The following NCAPG variants were observed in gnomAD, a reference collection of about 807,000 sequenced individuals.
NCAPG encodes condensin complex subunit 3.
NCAPG carries 69 observed loss-of-function variants against 113.1 expected under a neutral mutation model. That is an observed-to-expected ratio of 0.61 (90% CI 0.50 to 0.75). NCAPG has a LOEUF of 0.75. Ranked by LOEUF, NCAPG falls within the 30% of genes least tolerant of loss-of-function variation. The probability of loss-of-function intolerance (pLI) is 0.00; values close to 1 mark genes in which losing one functional copy is unlikely to be tolerated. For synonymous variants in NCAPG, 370 were observed against 415.8 expected, an observed-to-expected ratio of 0.89 and a Z score of 1.34; for missense variants, 1,058 against 1,177.0, an observed-to-expected ratio of 0.90 and a Z score of 1.48.
At chr4:17,836,555 T>C (rs1363808346) in intron 14 of NCAPG, among the ~76,000 whole-genome samples, 3 of 152,212 alleles carry the variant, frequency 2.0e-5, no homozygotes. Flanking sequence ...CTGAGAGTTT[T>C]CTGGCTTTAG....
At chr4:17,837,911 C>T in intron 16 of NCAPG, 110 bp downstream of exon 16, 1 of 1,108,092 alleles carries the variant, frequency 9.0e-7, no homozygotes. Context: ...ACTTCTGTCT[C>T]AAGCATATAC....
Position 17,842,391 on chromosome 4 carries a change from A to G in NCAPG, c.2924+12A>G. On this transcript the variant is annotated intron_variant, in intron 20 of 20. Coordinates refer to ENST00000251496, the MANE Select transcript of NCAPG (RefSeq NM_022346.5). Reference sequence around the variant, plus strand: ...GCCGACTCTGAAAGGTATGTCATGCATGTCTAGAATATATGGAGGCCTATC... The same window carrying G: ...GCCGACTCTGAAAGGTATGTCATGCGTGTCTAGAATATATGGAGGCCTATC... 2 of 1,608,390 alleles carry G rather than the reference A, an allele frequency of 1.2e-6. No individual in the cohort carries two copies. The highest frequency in any genetic ancestry group is 1.7e-6 in the Non-Finnish European group (2 of 1,175,274).
intron 11 of NCAPG, among the ~76,000 whole-genome samples, chr4:17,825,764 A>G (rs185333527): frequency 8.7e-4 from 133 of 152,220 alleles, no homozygotes; most frequent in African/African-American, 3.1e-3. Flanking sequence ...TATTGGAGGT[A>G]GGACTTTATT....
intron 20 of NCAPG, 109 bp downstream of exon 20, chr4:17,842,488 G>A (rs186302981): frequency 5.8e-4 from 489 of 846,498 alleles, no homozygotes; most frequent in Non-Finnish European, 8.3e-4. Context: ...TAACAAGATA[G>A]TGAAAACTAT....
Position 17,834,396 on chromosome 4 carries a change from A to T in NCAPG, c.1982A>T (p.Lys661Ile). ...TFGIEPFKTK[K>I]IKTLHCEGTE... ...GGGATTGAACCATTTAAAACTAAAA[A>T]AATCAAAACACTTCATTGTGAAGGT... The change falls in exon 14 of 21, where the codon AAA becomes ATA. Residue 661 changes from lysine (K) to isoleucine (I), a missense_variant. By Grantham distance (102) the Lys-to-Ile change is moderately radical. Coordinates refer to ENST00000251496, the MANE Select transcript of NCAPG (RefSeq NM_022346.5). 4 of 1,611,614 alleles carry T rather than the reference A, an allele frequency of 2.5e-6. No homozygotes were observed. Among genetic ancestry groups the T allele is most frequent in the Non-Finnish European group, 3.4e-6 (4 of 1,178,684 alleles).
At chr4:17,816,236 A>T (rs561957944) in intron 5 of NCAPG, among the ~76,000 whole-genome samples, 2 of 152,238 alleles carry the variant, frequency 1.3e-5, no homozygotes, top group South Asian at 2.1e-4. Flanking sequence ...TGCAACCTGG[A>T]TACCTCATGT....
chr4:17,837,308 C>T lies in NCAPG; in HGVS notation c.2259C>T (p.Gly753=). 6.2e-7 allele frequency: 1 copy of T among 1,613,606 alleles called. No individual in the cohort carries two copies. The highest frequency in any genetic ancestry group is 8.5e-7 in the Non-Finnish European group (1 of 1,179,796). Residue 753 remains glycine, a synonymous_variant, in exon 15 of 21, where the codon GGC becomes GGT. Transcript: ENST00000251496. The part of the protein sequence containing the change: ...EEDVQLRHCL[G]VFFPVFAYAS... ...ATGTTCAACTTCGACATTGCCTAGG[C>T]GTGTTCTTCCCCGTGTTTGCTTATG... is the stretch of plus-strand genomic sequence containing the variant.
chr4:17,825,001 A>G lies in NCAPG; in HGVS notation c.1417A>G (p.Ile473Val), dbSNP rs1024397392. Residue 473 changes from isoleucine (I) to valine (V), a missense_variant, in exon 10 of 21, where the codon ATT (isoleucine) becomes GTT (valine). By Grantham distance (29) the Ile-to-Val change is conservative (BLOSUM62 3). Coordinates refer to ENST00000251496, the MANE Select transcript of NCAPG (RefSeq NM_022346.5). ...TEIISEIRAP[I>V]VTVGVNNDPA... Reference sequence around the variant, plus strand: ...AATTATCTCAGAGATTCGGGCGCCCATTGTTACTGTTGGTGTTAATAACGA... The same window carrying G: ...AATTATCTCAGAGATTCGGGCGCCCGTTGTTACTGTTGGTGTTAATAACGA... 6.2e-7 allele frequency: 1 copy of G among 1,612,926 alleles called. No individual in the cohort carries two copies. Among genetic ancestry groups the G allele is most frequent in the African/African-American group, 1.3e-5 (1 of 74,970 alleles).
chr4:17,826,438 G>A (rs976486520), intron 11 of NCAPG, among the ~76,000 whole-genome samples: 1 of 152,118 alleles, frequency 6.6e-6, no homozygotes, highest in Admixed American at 6.5e-5. Context: ...CCTTCCCAGA[G>A]TGTATGCCTG....
chr4:17,834,281 G>A lies in NCAPG; in HGVS notation c.1885-18G>A. ...TTTACTGAATTTACTTTTTTTGGTGGGGAATATCTTGATTTAGGTTTTGCA... is the reference window on the plus strand; with the variant it reads ...TTTACTGAATTTACTTTTTTTGGTGAGGAATATCTTGATTTAGGTTTTGCA... On this transcript the variant is annotated intron_variant, in intron 13 of 20. Transcript: ENST00000251496. The A allele has an allele frequency of 6.8e-7, 1 of 1,474,590 alleles. No individual in the cohort carries two copies. The highest frequency in any genetic ancestry group is 9.1e-7 in the Non-Finnish European group (1 of 1,095,422). The allele number at this position is 1,474,590 out of a possible 1,614,324, so 91.3% of individuals were successfully genotyped here.
rs1721252871 is a variant in NCAPG, at chr4:17,817,363, C to A, written c.878C>A (p.Ser293Tyr). Residue 293 changes from serine to tyrosine, a missense_variant, in exon 6 of 21, where the codon TCT becomes TAT. Coordinates refer to ENST00000251496, the MANE Select transcript of NCAPG (RefSeq NM_022346.5). ...CTCCATCGGTTGGATGTAGAAAATT[C>A]TTCTGAAGTGGCAGTCTCTGTTCTC... Reference protein sequence around the residue: ...ELLHRLDVENSSEVAVSVLNA... With the variant: ...ELLHRLDVENYSEVAVSVLNA... 5 of 1,613,940 alleles carry A rather than the reference C, an allele frequency of 3.1e-6. No individual in the cohort carries two copies. Among genetic ancestry groups the A allele is most frequent in the African/African-American group, 1.3e-5 (1 of 74,914 alleles).
At chr4:17,825,629 C>G (rs1721631807) in intron 11 of NCAPG, 68 bp downstream of exon 11, 4 of 1,379,864 alleles carry the variant, frequency 2.9e-6, no homozygotes, top group Non-Finnish European at 4.0e-6. Context: ...CTTATTTTCT[C>G]TAACTTCTAG....
chr4:17,827,344 G>A (rs543094438), intron 11 of NCAPG, among the ~76,000 whole-genome samples: 17 of 152,324 alleles, frequency 1.1e-4, no homozygotes, highest in Admixed American at 1.0e-3. Context: ...TCAGATCACT[G>A]TTGTTTAGGA....
At chr4:17,815,148 A>G in intron 4 of NCAPG, 126 bp from the exon 5 acceptor site, 1 of 1,242,050 alleles carries the variant, frequency 8.1e-7, no homozygotes, top group East Asian at 2.4e-5. Context: ...ATCTTACTGT[A>G]TTAAGTATGT....
intron 13 of NCAPG, among the ~76,000 whole-genome samples, chr4:17,832,906 C>A (rs1721920227): frequency 6.6e-6 from 1 of 152,054 alleles, no homozygotes; most frequent in South Asian, 2.1e-4. Flanking sequence ...CATAATGGAC[C>A]ATTCTGGATT....
chr4:17,814,754 A>G, intron 3 of NCAPG, 99 bp from the exon 4 acceptor site: 1 of 1,315,032 alleles, frequency 7.6e-7, no homozygotes, highest in Non-Finnish European at 1.1e-6. Flanking sequence ...TATCTTTATC[A>G]CATTAAAGGC....
At chr4:17,821,479 T>TA (rs895124461) in intron 7 of NCAPG, among the ~76,000 whole-genome samples, 6 of 113,726 alleles carry the variant, frequency 5.3e-5, no homozygotes, top group Admixed American at 9.5e-5. Context: ...TTTTTTTTTT[T>TA]AAGAGACGTA....
intron 18 of NCAPG, 51 bp downstream of exon 18, chr4:17,840,260 A>G (rs1722298030): frequency 3.5e-6 from 5 of 1,433,924 alleles, no homozygotes; most frequent in Non-Finnish European, 4.6e-6. Context: ...TTTTTTTTCC[A>G]TCTTTACTGA....
intron 9 of NCAPG, among the ~76,000 whole-genome samples, chr4:17,824,606 A>T (rs1471913419): frequency 6.6e-6 from 1 of 152,042 alleles, no homozygotes; most frequent in Non-Finnish European, 1.5e-5. Flanking sequence ...TCTGTGTTTA[A>T]CTCCTACAGA....
Sources: gnomAD v4.1 joint callset for allele counts (sites outside exome capture counted in the v4.1 genomes callset) on GRCh38, gnomAD v4.1.1 for gene constraint, MANE v1.5 for transcripts, NCBI Gene and HGNC (gene_info 2026-07-23, HGNC 2026-07-21) for gene names.